SUGCT: variants seen among roughly 807,000 people sequenced by gnomAD.
The protein encoded by SUGCT is succinyl-CoA:glutarate-CoA transferase.
In SUGCT, 41 loss-of-function variants were observed where a neutral mutation model predicts 55.0. The ratio of observed to expected loss-of-function variants is 0.74; its 90% CI spans 0.58 to 0.97. SUGCT has a LOEUF of 0.97. SUGCT is among the 50% of genes least tolerant of loss of function. The pLI is 0.00. For synonymous variants in SUGCT, 187 were observed against 200.4 expected (o/e 0.93, Z 0.56); for missense variants, 568 against 547.8 (o/e 1.04, Z -0.37).
intron 12 of SUGCT, among the ~76,000 whole-genome samples, chr7:40,653,419 C>G (rs1228006468): frequency 6.6e-6 from 1 of 152,120 alleles, no homozygotes; most frequent in Non-Finnish European, 1.5e-5. Flanking sequence ...ATAAAAACTT[C>G]TTGTCCTTTG....
chr7:40,196,747 G>C (rs1453721781), intron 6 of SUGCT, among the ~76,000 whole-genome samples: 1 of 152,182 alleles, frequency 6.6e-6, no homozygotes, highest in Non-Finnish European at 1.5e-5. Context: ...GGCCAGGCTG[G>C]TCTTGAACTC....
rs932838801 is a variant in SUGCT, at chr7:40,650,132, A to G, written c.1090-99302A>G. Among the ~76,000 whole-genome samples the G allele has an allele frequency of 9.9e-5, 15 of 152,280 alleles. No homozygotes were observed. In the East Asian group the frequency reaches 2.9e-3, roughly 29 times the overall value. On this transcript the variant is annotated intron_variant, in intron 12 of 13. Coordinates refer to ENST00000335693, the MANE Select transcript of SUGCT (RefSeq NM_001193313.2). ...GCCTCAGTTCTGCACAGGCTCTTGG[A>G]TGGAGGCCTCTCTCAGTTCCTTGCC...
At chr7:40,320,140 T>C (rs4478481) in intron 9 of SUGCT, among the ~76,000 whole-genome samples, 83,372 of 150,462 alleles carry the variant, frequency 0.55, 24,450 homozygotes, top group Non-Finnish European at 0.66. Flanking sequence ...AGAGTCTCGC[T>C]CTGTCACCCA....
chr7:41,001,023 C>CAG, the SUGCT span, among the ~76,000 whole-genome samples: 1 of 152,120 alleles, frequency 6.6e-6, no homozygotes, highest in African/African-American at 2.4e-5. Context: ...AGTTATCAGC[C>CAG]ATATATCCAT....
chr7:40,427,399 C>CA (rs1023610359), intron 9 of SUGCT, among the ~76,000 whole-genome samples: 1 of 152,150 alleles, frequency 6.6e-6, no homozygotes, highest in Admixed American at 6.6e-5. Context: ...GATTCAGACT[C>CA]AGCTCTGTCC....
chr7:40,803,768 G>T (rs977656074), intron 13 of SUGCT, among the ~76,000 whole-genome samples: 1 of 152,108 alleles, frequency 6.6e-6, no homozygotes, highest in African/African-American at 2.4e-5. Context: ...TTTCTTTAGG[G>T]TTCTTAAAAT....
chr7:40,329,692 T>C (rs567518265), intron 9 of SUGCT, among the ~76,000 whole-genome samples: 4 of 152,274 alleles, frequency 2.6e-5, no homozygotes, highest in Non-Finnish European at 1.5e-5. Flanking sequence ...ACAAGATGTG[T>C]GCACAGGTGA....
At chr7:40,135,918 A>C (rs530136788) in intron 1 of SUGCT, among the ~76,000 whole-genome samples, 1 of 151,778 alleles carries the variant, frequency 6.6e-6, no homozygotes, top group African/African-American at 2.4e-5. Context: ...CGGCCTCCCA[A>C]AGTGTTGAGA....
intron 6 of SUGCT, among the ~76,000 whole-genome samples, chr7:40,218,976 G>A (rs1016855537): frequency 5.3e-5 from 8 of 152,210 alleles, no homozygotes; most frequent in African/African-American, 1.7e-4. Flanking sequence ...ACATTCTTTC[G>A]CTCCTTGCAA....
chr7:40,325,888 G>A (rs1796002549), intron 9 of SUGCT, among the ~76,000 whole-genome samples: 2 of 139,522 alleles, frequency 1.4e-5, no homozygotes, highest in South Asian at 5.0e-4. Flanking sequence ...GATGCATCAT[G>A]GATGTGCGTC....
At chr7:40,144,591 T>C (rs1311402320) in intron 1 of SUGCT, among the ~76,000 whole-genome samples, 1 of 152,192 alleles carries the variant, frequency 6.6e-6, no homozygotes, top group Non-Finnish European at 1.5e-5. Context: ...AGGCTGTTGC[T>C]GGTTTACCGG....
chr7:40,634,827 A>G (rs1363465670), intron 12 of SUGCT, among the ~76,000 whole-genome samples: 1 of 152,254 alleles, frequency 6.6e-6, no homozygotes, highest in Non-Finnish European at 1.5e-5. Flanking sequence ...GTAAAAAGAG[A>G]TTGTCAAGAG....
chr7:40,918,699 G>A, the SUGCT span, among the ~76,000 whole-genome samples: 1 of 152,054 alleles, frequency 6.6e-6, no homozygotes, highest in South Asian at 2.1e-4. Flanking sequence ...AAGGAGGGAG[G>A]GGAGAGAGAA....
rs543051416 is a variant in SUGCT at position 40,523,129 on chromosome 7, G to C, written c.1089+26743G>C. Among the ~76,000 whole-genome samples, 4 of 152,108 alleles carry C rather than the reference G, an allele frequency of 2.6e-5. No individual in the cohort carries two copies. In the East Asian group the frequency reaches 5.8e-4, roughly 22 times the overall value. On this transcript the variant is annotated intron_variant, in intron 12 of 13. Transcript: ENST00000335693. ...TATAGCAAAGACTGAGATATTTAGG[G>C]AAAAGTGGTAAGTCCCTTTCAACCA...
At chr7:40,726,250 A>G (rs1165419329) in intron 12 of SUGCT, among the ~76,000 whole-genome samples, 1 of 152,048 alleles carries the variant, frequency 6.6e-6, no homozygotes, top group Non-Finnish European at 1.5e-5. Context: ...TCACTAACAT[A>G]TATTTTATAT....
chr7:40,544,356 A>G (rs1794873572), intron 12 of SUGCT, among the ~76,000 whole-genome samples: 1 of 152,118 alleles, frequency 6.6e-6, no homozygotes, highest in South Asian at 2.1e-4. Context: ...TGGGTGTGTG[A>G]GCAAAGGAGA....
intron 12 of SUGCT, among the ~76,000 whole-genome samples, chr7:40,727,274 A>C (rs1245827428): frequency 1.3e-5 from 2 of 152,194 alleles, no homozygotes; most frequent in Non-Finnish European, 2.9e-5. Context: ...AGCTTATCCA[A>C]GGTATACAAA....
chr7:40,560,289 T>A (rs1162242934), intron 12 of SUGCT, among the ~76,000 whole-genome samples: 1 of 152,154 alleles, frequency 6.6e-6, no homozygotes, highest in Non-Finnish European at 1.5e-5. Flanking sequence ...TATATATACA[T>A]GTGCACATCA....
At chr7:40,415,063 T>C (rs201732143) in intron 9 of SUGCT, among the ~76,000 whole-genome samples, 2 of 70,726 alleles carry the variant, frequency 2.8e-5, no homozygotes, top group African/African-American at 1.2e-4. Flanking sequence ...AAAAAAAAAA[T>C]CTATCTATCT....
Sources: allele counts gnomAD v4.1 joint callset (sites outside exome capture counted in the v4.1 genomes callset), GRCh38; gene constraint gnomAD v4.1.1; transcripts MANE v1.5; gene names NCBI Gene and HGNC (gene_info 2026-07-23, HGNC 2026-07-21).